ABR: variants seen among roughly 807,000 people sequenced by gnomAD.
ABR encodes the protein ABR activator of RhoGEF and GTPase, also known as active breakpoint cluster region-related protein.
In ABR, 35 loss-of-function variants were observed where a neutral mutation model predicts 107.2. That is an observed-to-expected ratio of 0.33 (90% CI 0.25 to 0.43). The LOEUF (loss-of-function observed/expected upper bound fraction) is 0.43, where lower values mean the gene tolerates loss of function less well. Ranked by LOEUF, ABR falls within the 20% of genes least tolerant of loss-of-function variation. ABR has a pLI of 1.00. For synonymous variants in ABR, 498 were observed against 462.0 expected (o/e 1.08, Z -1.00); for missense variants, 815 against 1,115.2 (o/e 0.73, Z 3.83).
rs1360485696 is a variant in ABR, at chr17:1,004,353, A to T, written c.*1727T>A. 6.6e-6 allele frequency: 1 copy of T among 152,496 alleles called. No individual in the cohort carries two copies. The highest frequency in any genetic ancestry group is 1.5e-5 in the Non-Finnish European group (1 of 68,076). 9.4% of individuals were successfully genotyped at this position (152,496 alleles called of 1,614,324 possible). On this transcript the variant is annotated 3_prime_UTR_variant, in exon 23 of 23. Coordinates refer to ENST00000302538, the MANE Select transcript of ABR (RefSeq NM_021962.5). Reference sequence around the variant, plus strand: ...AGTATTTACTGTTCTGCCCAAGGCCACAGGAGTAAACAGGCTCAAAAAGGG... The same window carrying T: ...AGTATTTACTGTTCTGCCCAAGGCCTCAGGAGTAAACAGGCTCAAAAAGGG...
upstream of ABR, among the ~76,000 whole-genome samples, chr17:1,180,432 CCGAA>C: frequency 6.6e-6 from 1 of 152,324 alleles, no homozygotes; most frequent in South Asian, 2.1e-4. Context: ...CTCTCTCCTC[CCGAA>C]CCTTCCCCCG....
At chr17:1,195,287 A>G (rs1201931963) in intron 1 of ABR, among the ~76,000 whole-genome samples, 7 of 102,050 alleles carry the variant, frequency 6.9e-5, no homozygotes, top group South Asian at 7.5e-4. Flanking sequence ...AGCCTGGGCG[A>G]CAGAATGAGA....
intron 16 of ABR, among the ~76,000 whole-genome samples, chr17:1,032,866 AC>A (rs1316827341): frequency 6.6e-6 from 1 of 152,188 alleles, no homozygotes; most frequent in East Asian, 1.9e-4. Context: ...AGACCCCAGC[AC>A]GGCACAGAAA....
At chr17:1,133,168 G>T (rs1386780522) in intron 1 of ABR, among the ~76,000 whole-genome samples, 1 of 152,028 alleles carries the variant, frequency 6.6e-6, no homozygotes, top group Admixed American at 6.6e-5. Context: ...CTTGAACCTG[G>T]GAGGTGGAGG....
chr17:1,021,556 A>G (rs2150821031), intron 16 of ABR, among the ~76,000 whole-genome samples: 1 of 152,348 alleles, frequency 6.6e-6, no homozygotes, highest in African/African-American at 2.4e-5. Context: ...CTGTCATCCC[A>G]GCACTTTGGG....
At chr17:1,077,793 G>A (rs922059840) in intron 6 of ABR, among the ~76,000 whole-genome samples, 5 of 152,190 alleles carry the variant, frequency 3.3e-5, no homozygotes, top group Admixed American at 3.3e-4. Context: ...AACACCTGGT[G>A]GGAAGGAAGA....
At chr17:1,116,670 C>G (rs1189268122) in intron 2 of ABR, among the ~76,000 whole-genome samples, 1 of 152,210 alleles carries the variant, frequency 6.6e-6, no homozygotes, top group Non-Finnish European at 1.5e-5. Flanking sequence ...CTACTTCCGA[C>G]TTACCTCCTT....
upstream of ABR, chr17:1,181,947 C>G (rs1045453043): frequency 6.6e-6 from 1 of 152,228 alleles, no homozygotes; most frequent in Admixed American, 6.5e-5. Context: ...CATACATTTG[C>G]GTACATTTTA....
chr17:1,146,260 G>GAGACACAC (rs1296117782), intron 1 of ABR, among the ~76,000 whole-genome samples: 1 of 140,108 alleles, frequency 7.1e-6, no homozygotes, highest in Non-Finnish European at 1.5e-5. Flanking sequence ...GGCACATGGA[G>GAGACACAC]ACACACACAC....
intron 1 of ABR, among the ~76,000 whole-genome samples, chr17:1,195,004 T>G (rs1359147566): frequency 1.3e-5 from 2 of 148,768 alleles, no homozygotes; most frequent in Non-Finnish European, 3.0e-5. Flanking sequence ...TTGCCCAGGC[T>G]GCTCTTGAAG....
intron 1 of ABR, among the ~76,000 whole-genome samples, chr17:1,197,817 C>A (rs1031457836): frequency 1.3e-5 from 2 of 151,608 alleles, no homozygotes; most frequent in Non-Finnish European, 2.9e-5. Flanking sequence ...CAAACCAGAC[C>A]GTGACTTGGT....
intron 1 of ABR, among the ~76,000 whole-genome samples, chr17:1,203,305 C>G (rs2042707485): frequency 2.0e-5 from 3 of 146,858 alleles, no homozygotes; most frequent in Non-Finnish European, 4.5e-5. Flanking sequence ...CGTGGCCCGG[C>G]TCGTGGGGGC....
intron 1 of ABR, among the ~76,000 whole-genome samples, chr17:1,139,474 C>G (rs1185326723): frequency 1.3e-5 from 2 of 151,990 alleles, no homozygotes; most frequent in African/African-American, 2.4e-5. Flanking sequence ...AGATGGTCTC[C>G]ATCTCCTGAC....
chr17:1,080,088 C>A (rs964674987), intron 5 of ABR, among the ~76,000 whole-genome samples: 1 of 152,080 alleles, frequency 6.6e-6, no homozygotes, highest in Non-Finnish European at 1.5e-5. Flanking sequence ...ATCTTTAGGG[C>A]ATGAGGAACC....
intron 1 of ABR, among the ~76,000 whole-genome samples, chr17:1,217,140 A>G (rs909725840): frequency 6.6e-6 from 1 of 152,098 alleles, no homozygotes; most frequent in African/African-American, 2.4e-5. Flanking sequence ...GGAAAGGCGC[A>G]ATTATGCAGC....
intron 16 of ABR, among the ~76,000 whole-genome samples, chr17:1,048,485 T>C (rs564741474): frequency 5.3e-5 from 8 of 152,362 alleles, no homozygotes; most frequent in Middle Eastern, 3.4e-3. Flanking sequence ...CTAAAAAGCA[T>C]CGTTCAGCTC....
At chr17:1,198,451 G>A (rs1454852694) in intron 1 of ABR, among the ~76,000 whole-genome samples, 1 of 151,478 alleles carries the variant, frequency 6.6e-6, no homozygotes, top group African/African-American at 2.4e-5. Flanking sequence ...AATCAAAGCT[G>A]CCTGGTTCCG....
At chr17:1,018,028 G>A (rs563632608) in intron 16 of ABR, among the ~76,000 whole-genome samples, 1 of 151,924 alleles carries the variant, frequency 6.6e-6, no homozygotes, top group African/African-American at 2.4e-5. Flanking sequence ...ACCACTGTGT[G>A]GGCCCTTATT....
chr17:1,010,441 C>T lies in ABR; in HGVS notation c.2236+288G>A. On this transcript the variant is annotated intron_variant, in intron 20 of 22. Transcript: ENST00000302538. The surrounding 1 kb of genome is among the most constrained non-coding windows in gnomAD (Gnocchi z 4.1). ...GCCACTCACCTCAGGGCAGTCTTCC[C>T]TGGATGCTCGAGCTTCCAAGCAAGA... 1 of 449,570 alleles carries T rather than the reference C, an allele frequency of 2.2e-6. No homozygotes were observed. Among genetic ancestry groups the T allele is most frequent in the Non-Finnish European group, 4.1e-6 (1 of 244,636 alleles). The allele number at this position is 449,570 out of a possible 1,614,324, so 27.8% of individuals were successfully genotyped here. A position where few individuals can be genotyped will look rare whatever the true frequency, so the allele number is the denominator to read the frequency against.
Sources: gnomAD v4.1 joint callset for allele counts (sites outside exome capture counted in the v4.1 genomes callset) on GRCh38, gnomAD v4.1.1 for gene constraint, Gnocchi (gnomAD v3.1) non-coding constraint, MANE v1.5 for transcripts, NCBI Gene and HGNC (gene_info 2026-07-23, HGNC 2026-07-21) for gene names.